The following SIPA1L1 variants were observed in gnomAD, a reference collection of about 807,000 sequenced individuals.
SIPA1L1 encodes the protein signal induced proliferation associated 1 like 1.
In SIPA1L1, 26 loss-of-function variants were observed where a neutral mutation model predicts 162.7. The ratio of observed to expected loss-of-function variants is 0.16; its 90% confidence interval spans 0.12 to 0.22. The LOEUF (loss-of-function observed/expected upper bound fraction) is 0.22, where lower values mean the gene tolerates loss of function less well. Ranked by LOEUF, SIPA1L1 falls within the 10% of genes least tolerant of loss-of-function variation. The pLI is 1.00. For missense variants in SIPA1L1, 1,874 were observed against 2,241.0 expected (o/e 0.84, Z 3.31); for synonymous variants, 829 against 837.4 (o/e 0.99, Z 0.17).
At position 71,587,674 on chromosome 14, in the gene SIPA1L1, G is replaced by A; in HGVS notation, c.-199G>A. 1.9e-6 allele frequency: 1 copy of A among 531,304 alleles called. No individual in the cohort carries two copies. The highest frequency in any genetic ancestry group is 3.3e-6 in the Non-Finnish European group (1 of 305,864). The allele number at this position is 531,304 out of a possible 1,614,324, so 32.9% of individuals were successfully genotyped here. A position where few individuals can be genotyped will look rare whatever the true frequency, so the allele number is the denominator to read the frequency against. ...GTTAAAGTGAAGCAAAGAAACTGTTGTGGATTATAACGTTTAGAAGTTCCA... is the reference window on the plus strand; with the variant it reads ...GTTAAAGTGAAGCAAAGAAACTGTTATGGATTATAACGTTTAGAAGTTCCA... On this transcript the variant is annotated 5_prime_UTR_variant, in exon 5 of 24. It adds an upstream start codon to the 5' untranslated region. Transcript: ENST00000381232.
intron 9 of SIPA1L1, 117 bp from the exon 10 acceptor site, chr14:71,661,193 T>TCGGTGGTC: frequency 9.9e-6 from 10 of 1,006,888 alleles, no homozygotes; most frequent in Admixed American, 5.1e-5. Context: ...GTAGATTACC[T>TCGGTGGTC]ACCTTCATGT....
intron 5 of SIPA1L1, among the ~76,000 whole-genome samples, chr14:71,595,831 C>T (rs952679729): frequency 5.9e-5 from 9 of 152,118 alleles, no homozygotes; most frequent in South Asian, 2.1e-4. Flanking sequence ...GTTCAACCTA[C>T]GATCTCTAGT....
At chr14:71,493,883 A>C (rs1046777036) in intron 2 of SIPA1L1, among the ~76,000 whole-genome samples, 2 of 152,188 alleles carry the variant, frequency 1.3e-5, no homozygotes, top group East Asian at 1.9e-4. Flanking sequence ...TTTTAATATT[A>C]TGAAGGAACT....
Position 71,671,687 on chromosome 14 carries a change from T to A in SIPA1L1, c.2824T>A (p.Leu942Met), listed in dbSNP as rs750546881. The change falls in exon 11 of 24, where the codon TTG (leucine) becomes ATG (methionine). Residue 942 changes from leucine to methionine, a missense_variant. Leu to Met is a conservative substitution (Grantham distance 15). Coordinates refer to ENST00000381232, the MANE Select transcript of SIPA1L1 (RefSeq NM_001386936.1). ...GGAGATCAAAGAGATTGTCAAAAGG[T>A]TGCAGGTGAGTCTCTCCTTCCTCTT... ...IEEIKEIVKRLQFVSKGCESV... is the reference protein window; with the variant it reads ...IEEIKEIVKRMQFVSKGCESV... 2.5e-6 allele frequency: 4 copies of A among 1,589,938 alleles called. No individual in the cohort carries two copies. The highest frequency in any genetic ancestry group is 3.4e-6 in the Non-Finnish European group (4 of 1,169,390).
chr14:71,677,553 G>A (rs535181041), intron 12 of SIPA1L1, among the ~76,000 whole-genome samples: 26 of 152,192 alleles, frequency 1.7e-4, no homozygotes, highest in African/African-American at 5.5e-4. Flanking sequence ...TTGCCCTTGC[G>A]TATGTCCTGA....
At chr14:71,633,193 A>T (rs537932171) in intron 7 of SIPA1L1, among the ~76,000 whole-genome samples, 1 of 151,474 alleles carries the variant, frequency 6.6e-6, no homozygotes, top group Non-Finnish European at 1.5e-5. Flanking sequence ...ATGGGGCCTC[A>T]CTCTGTCGCC....
intron 13 of SIPA1L1, among the ~76,000 whole-genome samples, chr14:71,697,222 T>C (rs1313077466): frequency 6.6e-6 from 1 of 152,158 alleles, no homozygotes; most frequent in Non-Finnish European, 1.5e-5. Context: ...ACACTTGGAC[T>C]GACCCAGGCT....
intron 13 of SIPA1L1, among the ~76,000 whole-genome samples, chr14:71,685,834 A>G (rs576626426): frequency 5.9e-5 from 9 of 152,340 alleles, no homozygotes; most frequent in Middle Eastern, 3.4e-3. Context: ...CAAAGCCTTC[A>G]GCTCTGCACA....
At chr14:71,582,741 T>C (rs541025040) in intron 4 of SIPA1L1, among the ~76,000 whole-genome samples, 1 of 152,228 alleles carries the variant, frequency 6.6e-6, no homozygotes, top group Non-Finnish European at 1.5e-5. Flanking sequence ...GAGTGAACAT[T>C]AGGAGAGCAG....
At chr14:71,726,329 C>A (rs889573304) in intron 19 of SIPA1L1, among the ~76,000 whole-genome samples, 2 of 152,136 alleles carry the variant, frequency 1.3e-5, no homozygotes, top group Non-Finnish European at 2.9e-5. Flanking sequence ...TTTCTTTATC[C>A]ATCAAAACCC....
intron 3 of SIPA1L1, among the ~76,000 whole-genome samples, chr14:71,517,069 A>T (rs115472814): frequency 8.9e-5 from 13 of 146,384 alleles, no homozygotes; most frequent in African/African-American, 3.2e-4. Context: ...TTGGGAATGT[A>T]AGTACCTTCT....
rs151260268 is a variant in SIPA1L1, at chr14:71,498,731, C to T, written c.-464-14012C>T. Among the ~76,000 whole-genome samples, 789 of 152,206 alleles carry T rather than the reference C, an allele frequency of 5.2e-3. 4 individuals carry two copies. Among genetic ancestry groups the T allele is most frequent in the Non-Finnish European group, 9.0e-3 (612 of 68,014 alleles). On this transcript the variant is annotated intron_variant, in intron 2 of 23. Transcript: ENST00000381232. The stretch of plus-strand genomic sequence containing the variant: ...TTTGTTTTTTCTTTATGTAATTTGC[C>T]TACCAACTCTTTTGCTGCTTTTTCT...
chr14:71,544,359 T>C (rs2054975677), intron 4 of SIPA1L1, among the ~76,000 whole-genome samples: 1 of 151,558 alleles, frequency 6.6e-6, no homozygotes, highest in East Asian at 1.9e-4. Flanking sequence ...ACATGTATCA[T>C]ATGTGTATAT....
chr14:71,585,368 G>C (rs1055214916), intron 4 of SIPA1L1, among the ~76,000 whole-genome samples: 1 of 152,052 alleles, frequency 6.6e-6, no homozygotes, highest in Non-Finnish European at 1.5e-5. Flanking sequence ...ATAATGTAAT[G>C]GGAGTCTTGA....
At chr14:71,655,616 A>G (rs2042988470) in intron 8 of SIPA1L1, among the ~76,000 whole-genome samples, 1 of 152,174 alleles carries the variant, frequency 6.6e-6, no homozygotes, top group Admixed American at 6.5e-5. Flanking sequence ...TTTTCTCAAA[A>G]TCCTTGCCAA....
At chr14:71,700,864 G>T (rs967670653) in intron 14 of SIPA1L1, among the ~76,000 whole-genome samples, 2 of 151,646 alleles carry the variant, frequency 1.3e-5, no homozygotes, top group East Asian at 3.9e-4. Flanking sequence ...TGTGGTGGCG[G>T]GTGCCCGCAG....
At chr14:71,727,665 G>T (rs983193378) in intron 19 of SIPA1L1, among the ~76,000 whole-genome samples, 1 of 152,168 alleles carries the variant, frequency 6.6e-6, no homozygotes, top group African/African-American at 2.4e-5. Context: ...CCCACTTCCA[G>T]TGCCATCCCA....
chr14:71,509,717 C>A (rs1452525455), intron 2 of SIPA1L1, among the ~76,000 whole-genome samples: 3 of 146,360 alleles, frequency 2.0e-5, no homozygotes, highest in Admixed American at 7.0e-5. Flanking sequence ...GCACTCCAGC[C>A]TGGGCAACAA....
intron 2 of SIPA1L1, among the ~76,000 whole-genome samples, chr14:71,419,129 A>G (rs1421875004): frequency 6.6e-6 from 1 of 152,130 alleles, no homozygotes; most frequent in East Asian, 1.9e-4. Context: ...TCTGCCTGTA[A>G]TAGTTTCCTT....
Sources: allele counts gnomAD v4.1 joint callset (sites outside exome capture counted in the v4.1 genomes callset), GRCh38; gene constraint gnomAD v4.1.1; transcripts MANE v1.5; gene names NCBI Gene and HGNC (gene_info 2026-07-23, HGNC 2026-07-21).